Variants in MARK1 observed in about 807,000 individuals in gnomAD.
MARK1 encodes the protein serine/threonine-protein kinase MARK1.
Under a neutral mutation model 96.3 loss-of-function variants are expected in MARK1, and 40 were observed. That is an observed-to-expected ratio of 0.42 (90% confidence interval 0.32 to 0.54). The LOEUF (loss-of-function observed/expected upper bound fraction) is 0.54, where lower values mean the gene tolerates loss of function less well. Ranked by LOEUF, MARK1 falls within the 20% of genes least tolerant of loss-of-function variation. MARK1 has a pLI of 0.16. For synonymous variants in MARK1, 317 were observed against 341.2 expected (o/e 0.93, Z 0.78); for missense variants, 719 against 984.6 (o/e 0.73, Z 3.61).
intron 13 of MARK1, among the ~76,000 whole-genome samples, chr1:220,647,869 A>G (rs1668664930): frequency 6.6e-6 from 1 of 152,136 alleles, no homozygotes. Context: ...AGAGAGGGGA[A>G]CAACACACAC....
chr1:220,586,372 C>T (rs1254695406), intron 3 of MARK1, among the ~76,000 whole-genome samples: 1 of 152,174 alleles, frequency 6.6e-6, no homozygotes. Flanking sequence ...TTAGTCCTTA[C>T]TCATTCCTCC....
In MARK1 at chr1:220,618,213, G is replaced by C. The variant is rs771333302; in HGVS notation, c.553-97G>C. 524 of 748,000 alleles carry C rather than the reference G, an allele frequency of 7.0e-4. 4 individuals are homozygous for C. The highest frequency in any genetic ancestry group is 2.8e-4 in the Non-Finnish European group (125 of 447,724). 46.3% of individuals were successfully genotyped at this position (748,000 alleles called of 1,614,324 possible). ...TTGATACTACATTTAGAAATGAGGG[G>C]CAAGAGATATGTAAGTTTGGAAGCT... On this transcript the variant is annotated intron_variant, in intron 7 of 17. Coordinates refer to ENST00000366917, the MANE Select transcript of MARK1 (RefSeq NM_018650.5). This position sits in a 1 kb window ranked among gnomAD's most constrained non-coding sequence, Gnocchi z 4.6.
At chr1:220,547,801 C>T (rs1158059164) in intron 1 of MARK1, among the ~76,000 whole-genome samples, 2 of 152,152 alleles carry the variant, frequency 1.3e-5, no homozygotes, top group Non-Finnish European at 2.9e-5. Context: ...CTCCTGACCT[C>T]GTGATCTGCC....
chr1:220,545,290 A>G (rs531320678), intron 1 of MARK1, among the ~76,000 whole-genome samples: 1 of 152,344 alleles, frequency 6.6e-6, no homozygotes, highest in African/African-American at 2.4e-5. Context: ...CTTACATGCC[A>G]TAGCAAGAAC....
At chr1:220,626,252 T>A (rs757486177) in intron 9 of MARK1, 3 of 531,262 alleles carry the variant, frequency 5.6e-6, no homozygotes, top group Non-Finnish European at 1.1e-5. Flanking sequence ...GTGCTGTATA[T>A]TGACATTGAT....
chr1:220,567,716 G>A (rs538145359), intron 1 of MARK1, among the ~76,000 whole-genome samples: 1 of 152,104 alleles, frequency 6.6e-6, no homozygotes, highest in Non-Finnish European at 1.5e-5. Context: ...GCTCTCTTTT[G>A]TATAGTTCTA....
At chr1:220,644,591 T>C (rs940633003) in intron 13 of MARK1, among the ~76,000 whole-genome samples, 1 of 151,668 alleles carries the variant, frequency 6.6e-6, no homozygotes, top group Non-Finnish European at 1.5e-5. Flanking sequence ...CTGATAGATA[T>C]CTGCAGAACT....
At chr1:220,651,364 CACTT>C (rs1257262196) in intron 14 of MARK1, among the ~76,000 whole-genome samples, 2 of 152,208 alleles carry the variant, frequency 1.3e-5, no homozygotes, top group African/African-American at 2.4e-5. Context: ...TGTTTCTTCT[CACTT>C]AATAAGAATG....
At chr1:220,562,485 A>G (rs1342859788) in intron 1 of MARK1, among the ~76,000 whole-genome samples, 3 of 152,174 alleles carry the variant, frequency 2.0e-5, no homozygotes, top group African/African-American at 7.2e-5. Context: ...GGAAACAAAA[A>G]CAAAAACAGT....
Position 220,663,081 on chromosome 1 carries a change from TAC to T in MARK1, c.*917_*918del, listed in dbSNP as rs1316623340. On this transcript the variant is annotated 3_prime_UTR_variant, in exon 18 of 18. Coordinates refer to ENST00000366917, the MANE Select transcript of MARK1 (RefSeq NM_018650.5). ...CTGTTTCACAGCACAAACTCATCTT[TAC>T]AGTGTTGATCAATGCATCAGTTAAG... 6.6e-6 allele frequency: 1 copy of T among 152,656 alleles called. No individual in the cohort carries two copies. Among genetic ancestry groups the T allele is most frequent in the Non-Finnish European group, 1.5e-5 (1 of 68,040 alleles). 9.5% of individuals were successfully genotyped at this position (152,656 alleles called of 1,614,324 possible).
Position 220,619,513 on chromosome 1 carries a change from C to G in MARK1, c.909+758C>G, listed in dbSNP as rs529625213. Among the ~76,000 whole-genome samples, 11 of 152,148 alleles carry G rather than the reference C, an allele frequency of 7.2e-5. No homozygotes were observed. The South Asian group carries it at 2.3e-3, about 32-fold the overall frequency. ...AAATAAAAATGTAATAGAAACCTCTCAACTTTAGTAAAGAAAATTTACAAA... is the reference window on the plus strand; with the variant it reads ...AAATAAAAATGTAATAGAAACCTCTGAACTTTAGTAAAGAAAATTTACAAA... On this transcript the variant is annotated intron_variant, in intron 9 of 17. Transcript: ENST00000366917.
intron 1 of MARK1, among the ~76,000 whole-genome samples, chr1:220,541,475 A>C (rs1437143884): frequency 6.6e-6 from 1 of 151,844 alleles, no homozygotes; most frequent in Non-Finnish European, 1.5e-5. Flanking sequence ...TTCCTTGTTG[A>C]TCTTCTGTCT....
chr1:220,620,779 A>C lies in MARK1; in HGVS notation c.909+2024A>C, dbSNP rs559744663. On this transcript the variant is annotated intron_variant, in intron 9 of 17. Coordinates refer to ENST00000366917, the MANE Select transcript of MARK1 (RefSeq NM_018650.5). Reference sequence around the variant, plus strand: ...TTTCTGTTCCAGCTTACCAAAACAAAGTTTTTCAGCTATGAAACCACGAGT... The same window carrying C: ...TTTCTGTTCCAGCTTACCAAAACAACGTTTTTCAGCTATGAAACCACGAGT... Among the ~76,000 whole-genome samples the C allele has an allele frequency of 5.3e-5, 8 of 152,228 alleles. No individual in the cohort carries two copies. In the East Asian group the frequency reaches 1.2e-3, roughly 22 times the overall value.
At chr1:220,627,338 G>T (rs1667404217) in intron 9 of MARK1, 2 of 498,746 alleles carry the variant, frequency 4.0e-6, no homozygotes, top group Non-Finnish European at 8.2e-6. Context: ...GTCAAAACAG[G>T]ATGGAAAAGA....
chr1:220,561,971 G>A (rs1662698102), intron 1 of MARK1, among the ~76,000 whole-genome samples: 1 of 152,178 alleles, frequency 6.6e-6, no homozygotes, highest in Admixed American at 6.6e-5. Context: ...ATTTCAGAGG[G>A]ATGATCCTTT....
chr1:220,562,073 T>G (rs902877533), intron 1 of MARK1, among the ~76,000 whole-genome samples: 5 of 152,200 alleles, frequency 3.3e-5, no homozygotes, highest in African/African-American at 4.8e-5. Context: ...TGAAGACCTG[T>G]GTAAACTTTT....
Position 220,604,029 on chromosome 1 carries a change from A to G in MARK1, c.425-38A>G, listed in dbSNP as rs146505174. 2.1e-3 allele frequency: 2,800 copies of G among 1,335,274 alleles called. 39 individuals carry two copies. The Admixed American group carries it at 0.028, about 14-fold the overall frequency. The allele number at this position is 1,335,274 out of a possible 1,614,324, so 82.7% of individuals were successfully genotyped here. On this transcript the variant is annotated intron_variant, in intron 5 of 17. Transcript: ENST00000366917. ...TGCATATATTGTTAACCAAAAATCTATGTATATTTTACTACCTGCTTTACC... is the reference window on the plus strand; with the variant it reads ...TGCATATATTGTTAACCAAAAATCTGTGTATATTTTACTACCTGCTTTACC...
intron 1 of MARK1, among the ~76,000 whole-genome samples, chr1:220,539,736 G>A (rs913019303): frequency 1.3e-5 from 2 of 150,840 alleles, no homozygotes; most frequent in Non-Finnish European, 2.9e-5. Context: ...GGCGTGGTAC[G>A]TGATCCTTCT....
intron 1 of MARK1, among the ~76,000 whole-genome samples, chr1:220,542,698 A>G (rs1661228239): frequency 6.6e-6 from 1 of 151,870 alleles, no homozygotes; most frequent in Non-Finnish European, 1.5e-5. Flanking sequence ...TTGTTTGTTG[A>G]TTTGTTTTTT....
Sources: allele counts gnomAD v4.1 joint callset (sites outside exome capture counted in the v4.1 genomes callset), GRCh38; gene constraint gnomAD v4.1.1; non-coding constraint Gnocchi (gnomAD v3.1); transcripts MANE v1.5; gene names NCBI Gene and HGNC (gene_info 2026-07-23, HGNC 2026-07-21).